The following SH3KBP1 variants were observed in gnomAD, a reference collection of about 807,000 sequenced individuals.
SH3KBP1 encodes the protein SH3 domain-containing kinase-binding protein 1.
Under a neutral mutation model 50.1 loss-of-function variants are expected in SH3KBP1, and 8 were observed. The observed-to-expected ratio is 0.16, with a 90% CI of 0.09 to 0.29. The LOEUF is 0.29. Ranked by LOEUF, SH3KBP1 falls within the 10% of genes least tolerant of loss-of-function variation. SH3KBP1 has a pLI of 1.00. For synonymous variants in SH3KBP1, 227 were observed against 218.6 expected (o/e 1.04, Z -0.34); for missense variants, 377 against 535.2 (o/e 0.70, Z 2.92).
chrX:19,839,806 G>A (rs1219290848), intron 1 of SH3KBP1, among the ~76,000 whole-genome samples: 1 of 111,623 alleles, frequency 9.0e-6, no homozygotes, highest in Non-Finnish European at 1.9e-5. Flanking sequence ...TGCCTTCTGG[G>A]TATGGATCAC....
At chrX:19,643,322 A>T (rs144815060) in intron 7 of SH3KBP1, among the ~76,000 whole-genome samples, 15,938 of 70,543 alleles carry the variant, frequency 0.23, 1,885 homozygotes, top group African/African-American at 0.43. Context: ...TTTTTTTTTT[A>T]TTTTTTTTTT....
At chrX:19,715,011 C>T (rs981736233) in intron 3 of SH3KBP1, among the ~76,000 whole-genome samples, 1 of 111,683 alleles carries the variant, frequency 9.0e-6, no homozygotes, top group Admixed American at 9.5e-5. Context: ...CAGTGACTCA[C>T]ACCTGTAATC....
At chrX:19,630,503 C>T (rs1475707647) in intron 8 of SH3KBP1, among the ~76,000 whole-genome samples, 1 of 112,049 alleles carries the variant, frequency 8.9e-6, no homozygotes, top group Non-Finnish European at 1.9e-5. Context: ...CAGAAAACAA[C>T]AAGGGAAGCA....
At chrX:19,651,429 T>C (rs762754185) in intron 6 of SH3KBP1, among the ~76,000 whole-genome samples, 1 of 112,311 alleles carries the variant, frequency 8.9e-6, no homozygotes, top group Non-Finnish European at 1.9e-5. Context: ...GACCAGGGTT[T>C]ACCTTTGTAA....
chrX:19,667,278 C>T (rs771290521), intron 6 of SH3KBP1, among the ~76,000 whole-genome samples: 18 of 111,728 alleles, frequency 1.6e-4, no homozygotes, highest in African/African-American at 5.2e-4. Context: ...ATAGTGATGA[C>T]GGTTGCACAA....
chrX:19,667,802 T>A (rs994962136), intron 6 of SH3KBP1, among the ~76,000 whole-genome samples: 10 of 106,257 alleles, frequency 9.4e-5, no homozygotes, highest in African/African-American at 3.2e-4. Flanking sequence ...CTTACTTTTG[T>A]TCTGTTGGGA....
intron 5 of SH3KBP1, among the ~76,000 whole-genome samples, chrX:19,686,031 T>C (rs1192414547): frequency 9.0e-6 from 1 of 111,727 alleles, no homozygotes; most frequent in Non-Finnish European, 1.9e-5. Flanking sequence ...GGATTTACTG[T>C]CTTCTGGGCT....
chrX:19,667,812 ATT>A lies in SH3KBP1; in HGVS notation c.726+16009_726+16010del, dbSNP rs779927127. Among the ~76,000 whole-genome samples, 492 of 55,857 alleles carry A rather than the reference ATT, an allele frequency of 8.8e-3. 6 individuals carry two copies. The highest frequency in any genetic ancestry group is 0.027 in the African/African-American group (311 of 11,527). The allele number at this position is 55,857 out of a possible 115,157, so 48.5% of individuals were successfully genotyped here. On this transcript the variant is annotated intron_variant, in intron 6 of 17. Coordinates refer to ENST00000397821, the MANE Select transcript of SH3KBP1 (RefSeq NM_031892.3). ...AAAGTCTTACTTTTGTTCTGTTGGG[ATT>A]TTTTTTTTTTTTTTTTTTTTTTTTT...
At chrX:19,546,100 C>T in intron 14 of SH3KBP1, 50 bp from the exon 15 acceptor site, 1 of 1,183,729 alleles carries the variant, frequency 8.4e-7, no homozygotes. Context: ...CCTTAGCTGA[C>T]ACCACTTTCG....
chrX:19,882,620 G>A (rs2069471156), intron 1 of SH3KBP1, among the ~76,000 whole-genome samples: 3 of 112,108 alleles, frequency 2.7e-5, no homozygotes, highest in Admixed American at 9.5e-5. Flanking sequence ...AGTGACGGAT[G>A]ATAAACATGT....
intron 7 of SH3KBP1, among the ~76,000 whole-genome samples, chrX:19,642,185 T>A (rs780852488): frequency 3.2e-4 from 36 of 111,563 alleles, no homozygotes; most frequent in Non-Finnish European, 6.0e-4. Context: ...GCCTGATAAA[T>A]CATAAATCAT....
intron 1 of SH3KBP1, among the ~76,000 whole-genome samples, chrX:19,841,029 C>T (rs1442677441): frequency 8.9e-6 from 1 of 111,897 alleles, no homozygotes; most frequent in Non-Finnish European, 1.9e-5. Context: ...CTTCACCCTC[C>T]CCTATCTCTA....
intron 2 of SH3KBP1, among the ~76,000 whole-genome samples, chrX:19,809,769 A>G (rs773413627): frequency 1.8e-5 from 2 of 112,023 alleles, no homozygotes; most frequent in Non-Finnish European, 3.8e-5. Flanking sequence ...AGCAAGTGCC[A>G]GATCCCAGAT....
At chrX:19,801,588 G>C (rs1220457609) in intron 2 of SH3KBP1, among the ~76,000 whole-genome samples, 2 of 111,839 alleles carry the variant, frequency 1.8e-5, no homozygotes, top group Non-Finnish European at 3.8e-5. Context: ...AAGGTGAGTG[G>C]TTGCCTAGGG....
intron 2 of SH3KBP1, among the ~76,000 whole-genome samples, chrX:19,810,171 A>ACACAGGGATGGGT (rs2067164151): frequency 8.9e-6 from 1 of 112,187 alleles, no homozygotes; most frequent in Non-Finnish European, 1.9e-5. Flanking sequence ...ATCAGGACAG[A>ACACAGGGATGGGT]CACAGGGATG....
At chrX:19,848,747 A>G (rs1466990440) in intron 1 of SH3KBP1, among the ~76,000 whole-genome samples, 3 of 110,539 alleles carry the variant, frequency 2.7e-5, no homozygotes, top group Non-Finnish European at 5.7e-5. Context: ...AACCTGAGCA[A>G]TGGTCACTAG....
intron 6 of SH3KBP1, chrX:19,670,907 G>A: frequency 8.6e-7 from 1 of 1,160,159 alleles, no homozygotes. Flanking sequence ...AGTTTGAAAA[G>A]GTCCCAGAAC....
intron 5 of SH3KBP1, among the ~76,000 whole-genome samples, chrX:19,686,067 C>G (rs1328406193): frequency 1.8e-5 from 2 of 111,489 alleles, no homozygotes; most frequent in Non-Finnish European, 3.8e-5. Flanking sequence ...ATACTAATCA[C>G]CGTGAGAAAT....
chrX:19,648,171 A>G (rs2062031455), intron 6 of SH3KBP1: 1 of 332,782 alleles, frequency 3.0e-6, no homozygotes, highest in Admixed American at 2.9e-5. Flanking sequence ...TGAGTACAGT[A>G]GATCAGACAA....
Sources: gnomAD v4.1 joint callset for allele counts (sites outside exome capture counted in the v4.1 genomes callset) on GRCh38, gnomAD v4.1.1 for gene constraint, MANE v1.5 for transcripts, NCBI Gene and HGNC (gene_info 2026-07-23, HGNC 2026-07-21) for gene names.